Variants in GUCY2F observed in about 807,000 individuals in gnomAD.
The protein encoded by GUCY2F is guanylate cyclase 2F, retinal.
In GUCY2F, 61 loss-of-function variants were observed where a neutral mutation model predicts 73.1. The ratio of observed to expected loss-of-function variants is 0.83; its 90% CI spans 0.68 to 1.03. The LOEUF is 1.03. Among genes scored for constraint, GUCY2F ranks in the 50% least tolerant of loss-of-function variants. The pLI is 0.00. For missense variants in GUCY2F, 912 were observed against 854.3 expected (o/e 1.07, Z -0.84); for synonymous variants, 331 against 307.8 (o/e 1.08, Z -0.79).
At chrX:109,417,895 G>A (rs750576117) in intron 8 of GUCY2F, among the ~76,000 whole-genome samples, 2 of 111,404 alleles carry the variant, frequency 1.8e-5, no homozygotes, top group South Asian at 7.4e-4. Context: ...CATAAAGAGG[G>A]ACATTTCATA....
At chrX:109,385,649 T>C (rs1019888961) in intron 15 of GUCY2F, among the ~76,000 whole-genome samples, 15 of 112,036 alleles carry the variant, frequency 1.3e-4, no homozygotes, top group Non-Finnish European at 2.3e-4. Flanking sequence ...CTTTTTCTTG[T>C]GCCTTAGGGT....
chrX:109,392,803 G>T, intron 13 of GUCY2F, 89 bp downstream of exon 13: 1 of 560,571 alleles, frequency 1.8e-6, no homozygotes, highest in Non-Finnish European at 2.9e-6. Flanking sequence ...GCAGCAGTTA[G>T]TTGATGGGTA....
chrX:109,409,271 G>T, intron 8 of GUCY2F, 103 bp from the exon 9 acceptor site: 1 of 460,365 alleles, frequency 2.2e-6, no homozygotes, highest in Non-Finnish European at 3.8e-6. Context: ...ATGATTGGTT[G>T]TGTGGTTGAC....
chrX:109,453,532 A>G lies in GUCY2F; in HGVS notation c.1360T>C (p.Phe454Leu). ...CCATGGCAGATCTTCCCTTCTGCAA[A>G]CCAGCATTTTGCATCTGCTCTAGGG... ...RPPRADAKCW[F>L]AEGKICHGGI... The change falls in exon 4 of 20, where the codon TTT becomes CTT. Residue 454 changes from phenylalanine (F) to leucine (L), a missense_variant. By Grantham distance (22) the Phe-to-Leu change is conservative (BLOSUM62 0). Transcript: ENST00000218006. 1 of 1,204,171 alleles carries G rather than the reference A, an allele frequency of 8.3e-7. No individual in the cohort carries two copies. The highest frequency in any genetic ancestry group is 1.1e-6 in the Non-Finnish European group (1 of 889,964).
chrX:109,435,333 G>A (rs1312461108), intron 7 of GUCY2F, among the ~76,000 whole-genome samples: 6 of 105,700 alleles, frequency 5.7e-5, no homozygotes, highest in African/African-American at 1.8e-4. Flanking sequence ...TCCTTGAAGA[G>A]GTCCTTCACA....
intron 5 of GUCY2F, among the ~76,000 whole-genome samples, chrX:109,451,571 A>T (rs1161450042): frequency 8.9e-6 from 1 of 111,893 alleles, no homozygotes; most frequent in Non-Finnish European, 1.9e-5. Context: ...TTATAATCCT[A>T]TGAGTTCATA....
At chrX:109,441,635 CT>C (rs201131096) in intron 6 of GUCY2F, among the ~76,000 whole-genome samples, 153 bp from the exon 7 acceptor site, 1 of 109,794 alleles carries the variant, frequency 9.1e-6, no homozygotes, top group Non-Finnish European at 1.9e-5. Flanking sequence ...TCCTTCTGAA[CT>C]TTTTTTTTCA....
intron 6 of GUCY2F, among the ~76,000 whole-genome samples, chrX:109,442,350 C>A (rs1931893586): frequency 9.0e-6 from 1 of 111,144 alleles, no homozygotes; most frequent in South Asian, 3.8e-4. Flanking sequence ...CTAGCCGTTA[C>A]CTTTTGGTAT....
At chrX:109,446,004 T>C (rs1931996724) in intron 6 of GUCY2F, among the ~76,000 whole-genome samples, 1 of 111,912 alleles carries the variant, frequency 8.9e-6, no homozygotes, top group African/African-American at 3.3e-5. Flanking sequence ...AGCCAAATCA[T>C]GAGTGAACTC....
intron 9 of GUCY2F, among the ~76,000 whole-genome samples, chrX:109,407,867 A>C (rs746019756): frequency 8.1e-4 from 92 of 113,136 alleles, no homozygotes; most frequent in African/African-American, 2.8e-3. Context: ...GAATGCCTGG[A>C]TGCCCAGGCA....
intron 8 of GUCY2F, among the ~76,000 whole-genome samples, chrX:109,413,557 A>C (rs1225663305): frequency 9.0e-6 from 1 of 110,685 alleles, no homozygotes; most frequent in Non-Finnish European, 1.9e-5. Context: ...GGTGCATGCC[A>C]CTACACTCAG....
At chrX:109,473,797 T>C (rs1932622069) in intron 2 of GUCY2F, among the ~76,000 whole-genome samples, 1 of 112,058 alleles carries the variant, frequency 8.9e-6, no homozygotes, top group Admixed American at 9.4e-5. Flanking sequence ...TGTGAAACAT[T>C]CATGGAATAT....
chrX:109,428,705 G>A (rs111919137), intron 8 of GUCY2F, among the ~76,000 whole-genome samples: 1,510 of 111,658 alleles, frequency 0.014, 33 homozygotes, highest in African/African-American at 0.047. Context: ...ATACTGTAGT[G>A]TTTTTAGGAA....
chrX:109,417,451 C>T (rs1414063888), intron 8 of GUCY2F, among the ~76,000 whole-genome samples: 1 of 110,789 alleles, frequency 9.0e-6, no homozygotes, highest in African/African-American at 3.3e-5. Flanking sequence ...TGCATTTAAG[C>T]AATTCCTAGG....
At position 109,375,966 on chromosome X, in the gene GUCY2F, T is replaced by C; in HGVS notation, c.3260A>G (p.Gln1087Arg). 1.7e-6 allele frequency: 2 copies of C among 1,209,037 alleles called. No individual in the cohort carries two copies. Among genetic ancestry groups the C allele is most frequent in the Non-Finnish European group, 2.2e-6 (2 of 892,709 alleles). Residue 1087 changes from glutamine (Q) to arginine (R), a missense_variant, in exon 19 of 20, where the codon CAA (glutamine) becomes CGA (arginine). Coordinates refer to ENST00000218006, the MANE Select transcript of GUCY2F (RefSeq NM_001522.3). ...DKDGQVGHGLQPVEIAAFQRR... is the reference protein window; with the variant it reads ...DKDGQVGHGLRPVEIAAFQRR... ...TTGGAAGGCTGCAATCTCCACTGGT[T>C]GCAGGCCATGGCCCACTTGCCTGCA...
chrX:109,381,032 G>A (rs1173084046), intron 17 of GUCY2F, among the ~76,000 whole-genome samples: 3 of 111,919 alleles, frequency 2.7e-5, no homozygotes, highest in Non-Finnish European at 5.6e-5. Context: ...AGGAGCCTCT[G>A]TCCCCTTGTA....
intron 2 of GUCY2F, among the ~76,000 whole-genome samples, chrX:109,468,787 C>T (rs149943620): frequency 9.0e-6 from 1 of 111,673 alleles, no homozygotes; most frequent in African/African-American, 3.3e-5. Flanking sequence ...CAAGATCTTG[C>T]CATTGAACAT....
At chrX:109,446,431 A>T (rs1317944044) in intron 6 of GUCY2F, among the ~76,000 whole-genome samples, 1 of 111,848 alleles carries the variant, frequency 8.9e-6, no homozygotes, top group Non-Finnish European at 1.9e-5. Context: ...ACAGAGATAT[A>T]GATCAATGGA....
rs480070 is a variant in GUCY2F, at chrX:109,406,146, C to T, written c.1969-1662G>A. Among the ~76,000 whole-genome samples, 389 of 111,840 alleles carry T rather than the reference C, an allele frequency of 3.5e-3. 1 individual carries two copies. The highest frequency in any genetic ancestry group is 5.7e-3 in the Non-Finnish European group (305 of 53,119). ...ACACAATTTGCATATCATTCCATGG[C>T]GTTCATGGGATCCCCAGAAGCTCCT... On this transcript the variant is annotated intron_variant, in intron 9 of 19. Coordinates refer to ENST00000218006, the MANE Select transcript of GUCY2F (RefSeq NM_001522.3).
Sources: gnomAD v4.1 joint callset for allele counts (sites outside exome capture counted in the v4.1 genomes callset) on GRCh38, gnomAD v4.1.1 for gene constraint, MANE v1.5 for transcripts, NCBI Gene and HGNC (gene_info 2026-07-23, HGNC 2026-07-21) for gene names.